The following LRP1B variants were observed in gnomAD, a reference collection of about 807,000 sequenced individuals.
LRP1B encodes the protein LDL receptor related protein 1B.
In LRP1B, 217 loss-of-function variants were observed where a neutral mutation model predicts 556.6. The ratio of observed to expected loss-of-function variants is 0.39; its 90% confidence interval spans 0.35 to 0.44. The LOEUF (loss-of-function observed/expected upper bound fraction) is 0.44. Among genes scored for constraint, LRP1B ranks in the 20% least tolerant of loss-of-function variants. The probability of loss-of-function intolerance (pLI) is 1.00; values close to 1 mark genes in which losing one functional copy is unlikely to be tolerated. For synonymous variants in LRP1B, 2,047 were observed against 1,865.8 expected, an observed-to-expected ratio of 1.10 and a Z score of -2.50; for missense variants, 5,053 against 5,620.8, an observed-to-expected ratio of 0.90 and a Z score of 3.23.
intron 44 of LRP1B, among the ~76,000 whole-genome samples, chr2:140,541,477 A>C (rs1009465723): frequency 6.6e-6 from 1 of 152,148 alleles, no homozygotes; most frequent in African/African-American, 2.4e-5. Flanking sequence ...GAAGTTATGA[A>C]GAGTGAGGAT....
At chr2:141,857,749 C>T (rs2105783664) in intron 1 of LRP1B, among the ~76,000 whole-genome samples, 1 of 152,292 alleles carries the variant, frequency 6.6e-6, no homozygotes, top group South Asian at 2.1e-4. Flanking sequence ...TCAAGTTCAA[C>T]ATTACATAAG....
In LRP1B at chr2:142,114,134, T is replaced by C. The variant is rs550555147; in HGVS notation, c.82+16514A>G. Among the ~76,000 whole-genome samples, 12 of 152,288 alleles carry C rather than the reference T, an allele frequency of 7.9e-5. No homozygotes were observed. The South Asian group carries it at 2.3e-3, about 29-fold the overall frequency. ...GTCTTACCTCCCAGTTCTGATCAAA[T>C]CCTTTGCTATTGTCTTTTATATGAC... On this transcript the variant is annotated intron_variant, in intron 1 of 90. Coordinates refer to ENST00000389484, the MANE Select transcript of LRP1B (RefSeq NM_018557.3).
At chr2:141,427,344 G>C (rs1232427508) in intron 3 of LRP1B, among the ~76,000 whole-genome samples, 1 of 152,080 alleles carries the variant, frequency 6.6e-6, no homozygotes, top group Admixed American at 6.6e-5. Context: ...GTTCATTTTA[G>C]CAAATAAATT....
chr2:140,398,302 TACTC>T (rs1191522918), intron 66 of LRP1B, among the ~76,000 whole-genome samples: 1 of 152,020 alleles, frequency 6.6e-6, no homozygotes, highest in Non-Finnish European at 1.5e-5. Context: ...AAAGGGGAGA[TACTC>T]ATAAAATCAA....
intron 7 of LRP1B, among the ~76,000 whole-genome samples, chr2:141,164,960 A>T (rs1445089350): frequency 6.6e-6 from 1 of 151,918 alleles, no homozygotes; most frequent in African/African-American, 2.4e-5. Context: ...GTTTTTAATC[A>T]TCTTATTCCT....
At chr2:142,122,910 C>T in intron 1 of LRP1B, among the ~76,000 whole-genome samples, 1 of 152,032 alleles carries the variant, frequency 6.6e-6, no homozygotes, top group Admixed American at 6.6e-5. Context: ...CTTAGATAAT[C>T]TAAAAACTGA....
In LRP1B at chr2:140,705,441, T is replaced by C. The variant is rs1410454057; in HGVS notation, c.6024-2888A>G. Among the ~76,000 whole-genome samples, 3 of 139,546 alleles carry C rather than the reference T, an allele frequency of 2.1e-5. No individual in the cohort carries two copies. In the Admixed American group the frequency reaches 2.4e-4, roughly 11 times the overall value. The allele number at this position is 139,546 out of a possible 152,430, so 91.5% of individuals were successfully genotyped here. A position where few individuals can be genotyped will look rare whatever the true frequency, so the allele number is the denominator to read the frequency against. ...TGGGAGGCTGAGGCAGGAGAATCAC[T>C]GGAACCCGGGACACAGAGTCCGCAG... On this transcript the variant is annotated intron_variant, in intron 37 of 90. Transcript: ENST00000389484.
intron 49 of LRP1B, among the ~76,000 whole-genome samples, chr2:140,523,412 C>G (rs578155779): frequency 4.6e-5 from 7 of 151,872 alleles, no homozygotes; most frequent in Admixed American, 4.6e-4. Context: ...GTGACAAGCC[C>G]AAAGCCAATC....
chr2:141,099,250 C>T (rs958411519), intron 7 of LRP1B, among the ~76,000 whole-genome samples: 2 of 151,992 alleles, frequency 1.3e-5, no homozygotes, highest in Non-Finnish European at 2.9e-5. Flanking sequence ...TTAAAATAGC[C>T]TTTTTTCCTT....
At chr2:140,879,298 A>T (rs1327495327) in intron 25 of LRP1B, among the ~76,000 whole-genome samples, 1 of 152,160 alleles carries the variant, frequency 6.6e-6, no homozygotes, top group Non-Finnish European at 1.5e-5. Flanking sequence ...ATTTACCAGA[A>T]ATAGGCACTG....
At chr2:141,849,500 T>C (rs7569470) in intron 1 of LRP1B, among the ~76,000 whole-genome samples, 44,592 of 151,460 alleles carry the variant, frequency 0.29, 7,047 homozygotes, top group African/African-American at 0.4. Flanking sequence ...AGTTGTTCCA[T>C]TTTTTAACTT....
At position 140,447,743 on chromosome 2, in the gene LRP1B, C is replaced by T. The variant is rs374978781; in HGVS notation, c.10057+2825G>A. Among the ~76,000 whole-genome samples, 429 of 152,172 alleles carry T rather than the reference C, an allele frequency of 2.8e-3. 2 individuals carry two copies. The highest frequency in any genetic ancestry group is 9.7e-3 in the African/African-American group (403 of 41,540). ...TTGGTATATCTTGTGTTTTGAGATG[C>T]CTTTCTCACTAAGCTTAATAATTTC... On this transcript the variant is annotated intron_variant, in intron 63 of 90. Coordinates refer to ENST00000389484, the MANE Select transcript of LRP1B (RefSeq NM_018557.3).
chr2:141,663,643 A>C (rs566865918), intron 2 of LRP1B, among the ~76,000 whole-genome samples: 1 of 152,178 alleles, frequency 6.6e-6, no homozygotes, highest in African/African-American at 2.4e-5. Flanking sequence ...ACCAGGAAGA[A>C]GTTGAATCCC....
intron 1 of LRP1B, among the ~76,000 whole-genome samples, chr2:141,946,214 C>T (rs1440932440): frequency 6.6e-6 from 1 of 152,138 alleles, no homozygotes; most frequent in Non-Finnish European, 1.5e-5. Flanking sequence ...CCTGCTCCTG[C>T]TCCATTCCCT....
chr2:141,421,802 C>G (rs572792176), intron 3 of LRP1B, among the ~76,000 whole-genome samples: 1 of 152,286 alleles, frequency 6.6e-6, no homozygotes, highest in East Asian at 1.9e-4. Context: ...CCCAGGCAGA[C>G]TCTTTCTCTA....
intron 7 of LRP1B, among the ~76,000 whole-genome samples, chr2:141,185,761 G>A (rs1468655093): frequency 6.6e-6 from 1 of 150,816 alleles, no homozygotes; most frequent in Non-Finnish European, 1.5e-5. Context: ...AAAAGAATAG[G>A]AGGTTGAGAA....
At position 140,375,173 on chromosome 2, in the gene LRP1B, A is replaced by ATGTG. The variant is rs34597866; in HGVS notation, c.10639-2040_10639-2037dup. Among the ~76,000 whole-genome samples the ATGTG allele has an allele frequency of 3.7e-3, 531 of 144,210 alleles. 4 individuals are homozygous for ATGTG. Among genetic ancestry groups the ATGTG allele is most frequent in the East Asian group, 7.8e-3 (37 of 4,736 alleles). The allele number at this position is 144,210 out of a possible 152,430, so 94.6% of individuals were successfully genotyped here. A position where few individuals can be genotyped will look rare whatever the true frequency, so the allele number is the denominator to read the frequency against. Reference sequence around the variant, plus strand: ...ACTCATTGATTTTTATACTGTGTGTATGTGTGTGTGTGTGTGTGTGTGTGT... The same window carrying ATGTG: ...ACTCATTGATTTTTATACTGTGTGTATGTGTGTGTGTGTGTGTGTGTGTGTGTGT... On this transcript the variant is annotated intron_variant, in intron 68 of 90. Transcript: ENST00000389484.
intron 6 of LRP1B, among the ~76,000 whole-genome samples, chr2:141,216,524 C>T (rs1208761097): frequency 1.3e-5 from 2 of 152,108 alleles, no homozygotes; most frequent in African/African-American, 2.4e-5. Context: ...GGGAAGGGGG[C>T]CATTATCCTT....
intron 84 of LRP1B, among the ~76,000 whole-genome samples, chr2:140,285,850 C>T (rs1683125011): frequency 3.7e-5 from 1 of 26,898 alleles, no homozygotes; most frequent in South Asian, 1.1e-3. Context: ...AGTCATTACT[C>T]TTTCATTGTG....
Sources: allele counts gnomAD v4.1 joint callset (sites outside exome capture counted in the v4.1 genomes callset), GRCh38; gene constraint gnomAD v4.1.1; transcripts MANE v1.5; gene names NCBI Gene and HGNC (gene_info 2026-07-23, HGNC 2026-07-21).